DCX: variants seen among roughly 807,000 people sequenced by gnomAD.
DCX encodes doublecortin, also known as neuronal migration protein doublecortin.
Under a neutral mutation model 20.9 loss-of-function variants are expected in DCX, and 4 were observed. That is an observed-to-expected ratio of 0.19 (90% CI 0.09 to 0.44). The LOEUF is 0.44. DCX is among the 20% of genes least tolerant of loss of function. DCX has a pLI of 0.99. For missense variants in DCX, 133 were observed against 296.9 expected, an observed-to-expected ratio of 0.45 and a Z score of 4.06; for synonymous variants, 103 against 111.4, an observed-to-expected ratio of 0.92 and a Z score of 0.47.
At chrX:111,339,281 A>G (rs1222208595) in intron 3 of DCX, among the ~76,000 whole-genome samples, 1 of 111,739 alleles carries the variant, frequency 8.9e-6, no homozygotes, top group Non-Finnish European at 1.9e-5. Flanking sequence ...TTACTCCCCA[A>G]TGTGGCATTA....
chrX:111,385,143 G>C (rs1217486641), intron 3 of DCX, among the ~76,000 whole-genome samples: 1 of 112,253 alleles, frequency 8.9e-6, no homozygotes. Flanking sequence ...CCCTGGATTT[G>C]CCAGCCCTCA....
intron 3 of DCX, among the ~76,000 whole-genome samples, chrX:111,360,375 T>G (rs1924108980): frequency 9.0e-6 from 1 of 111,567 alleles, no homozygotes; most frequent in Non-Finnish European, 1.9e-5. Flanking sequence ...CTCATTTATT[T>G]GTGGGATCTA....
intron 3 of DCX, among the ~76,000 whole-genome samples, chrX:111,359,960 A>G (rs1446457688): frequency 8.9e-6 from 1 of 111,980 alleles, no homozygotes; most frequent in Non-Finnish European, 1.9e-5. Flanking sequence ...CAAAATGGAA[A>G]ATACCGTTTG....
chrX:111,314,484 G>T (rs1177958406), intron 5 of DCX, among the ~76,000 whole-genome samples: 1 of 111,782 alleles, frequency 8.9e-6, no homozygotes, highest in Admixed American at 9.5e-5. Flanking sequence ...CTTGAAAGAT[G>T]AATCTGAAAT....
At chrX:111,346,164 A>T (rs1282686969) in intron 3 of DCX, among the ~76,000 whole-genome samples, 2 of 109,739 alleles carry the variant, frequency 1.8e-5, no homozygotes, top group Admixed American at 1.9e-4. Context: ...ACATTGCAAA[A>T]TTTTTCTCCC....
chrX:111,302,026 A>C (rs2095035407), intron 6 of DCX, among the ~76,000 whole-genome samples: 1 of 110,359 alleles, frequency 9.1e-6, no homozygotes, highest in Non-Finnish European at 1.9e-5. Context: ...ATGTGTGTAT[A>C]TTTGTGTGAC....
At chrX:111,404,481 C>T (rs775635067) in intron 2 of DCX, among the ~76,000 whole-genome samples, 25 of 112,051 alleles carry the variant, frequency 2.2e-4, no homozygotes, top group African/African-American at 8.1e-4. Context: ...GGATATTTAT[C>T]GTCGTCAAGA....
At chrX:111,336,944 A>C (rs1242339676) in intron 3 of DCX, among the ~76,000 whole-genome samples, 1 of 111,339 alleles carries the variant, frequency 9.0e-6, no homozygotes, top group African/African-American at 3.3e-5. Context: ...GAGGGAGAAA[A>C]GAAAGAAGAA....
intron 6 of DCX, among the ~76,000 whole-genome samples, chrX:111,307,298 A>T (rs1329431063): frequency 9.2e-6 from 1 of 108,646 alleles, no homozygotes; most frequent in African/African-American, 3.3e-5. Flanking sequence ...ATACATATAT[A>T]TATACACGTG....
intron 3 of DCX, among the ~76,000 whole-genome samples, chrX:111,372,171 C>T (rs756471508): frequency 2.1e-4 from 23 of 111,768 alleles, no homozygotes; most frequent in South Asian, 1.5e-3. Flanking sequence ...TAAGATAAGC[C>T]ATCATGCTGA....
chrX:111,296,402 G>GA lies in DCX; in HGVS notation c.*5284dup, dbSNP rs1235209836. ...CCCTAGTCTCAGGCATCCAAGGTAA[G>GA]AAAAAATCACCTCTGATTCCAGAAG... On this transcript the variant is annotated 3_prime_UTR_variant, in exon 7 of 7. Coordinates refer to ENST00000636035, the MANE Select transcript of DCX (RefSeq NM_001195553.2). 9.0e-6 allele frequency: 1 copy of GA among 111,322 alleles called. No individual in the cohort carries two copies. The highest frequency in any genetic ancestry group is 3.3e-5 in the African/African-American group (1 of 30,567). 9.2% of individuals were successfully genotyped at this position (111,322 alleles called of 1,213,427 possible).
At chrX:111,388,135 C>A (rs1044694262) in intron 3 of DCX, among the ~76,000 whole-genome samples, 69 of 111,719 alleles carry the variant, frequency 6.2e-4, no homozygotes, top group African/African-American at 2.2e-3. Flanking sequence ...GACTTTAATG[C>A]CTATGATCAA....
intron 3 of DCX, among the ~76,000 whole-genome samples, chrX:111,389,958 A>G (rs1926811179): frequency 8.9e-6 from 1 of 111,879 alleles, no homozygotes; most frequent in East Asian, 2.8e-4. Context: ...TCATGGCAAA[A>G]GGGCTTTTTT....
intron 3 of DCX, among the ~76,000 whole-genome samples, chrX:111,348,820 A>G (rs1408817185): frequency 9.2e-6 from 1 of 108,547 alleles, no homozygotes; most frequent in Non-Finnish European, 1.9e-5. Context: ...ACAAAGCATG[A>G]GAGGGATATT....
intron 6 of DCX, among the ~76,000 whole-genome samples, chrX:111,305,018 C>T (rs2095042004): frequency 1.8e-5 from 2 of 111,720 alleles, no homozygotes; most frequent in Non-Finnish European, 3.8e-5. Context: ...CAGAGCCCCT[C>T]GGCAAAGGCT....
Position 111,316,086 on chromosome X carries a change from T to TAAATAAATAAATA in DCX, c.947-3351_947-3350insTATTTATTTATTT, listed in dbSNP as rs1169026948. ...CTAAAACTTAGAGTATAATAAAAAATAAAAAAAAAAAAAAAAAAAAAAAAT... is the reference window on the plus strand; with the variant it reads ...CTAAAACTTAGAGTATAATAAAAAATAAATAAATAAATAAAAAAAAAAAAAAAAAAAAAAAAAT... On this transcript the variant is annotated intron_variant, in intron 5 of 6. Transcript: ENST00000636035. Among the ~76,000 whole-genome samples, 27 of 50,626 alleles carry TAAATAAATAAATA rather than the reference T, an allele frequency of 5.3e-4. 1 individual carries two copies. The highest frequency in any genetic ancestry group is 2.0e-3 in the African/African-American group (25 of 12,491). The allele number at this position is 50,626 out of a possible 115,157, so 44.0% of individuals were successfully genotyped here.
intron 3 of DCX, among the ~76,000 whole-genome samples, chrX:111,354,110 T>G (rs1051770703): frequency 9.0e-6 from 1 of 111,689 alleles, no homozygotes; most frequent in Non-Finnish European, 1.9e-5. Flanking sequence ...TGCAAATTTT[T>G]GATGAGCTAA....
At chrX:111,329,352 C>CATCT (rs1322011484) in intron 5 of DCX, among the ~76,000 whole-genome samples, 8 of 111,603 alleles carry the variant, frequency 7.2e-5, no homozygotes, top group African/African-American at 2.6e-4. Context: ...TACTGTTGTG[C>CATCT]ATCTATTTAT....
At chrX:111,342,657 T>C (rs1276214794) in intron 3 of DCX, among the ~76,000 whole-genome samples, 1 of 108,391 alleles carries the variant, frequency 9.2e-6, no homozygotes, top group African/African-American at 3.3e-5. Context: ...ATCAACCACA[T>C]AATTGGAAGT....
Sources: allele counts gnomAD v4.1 joint callset (sites outside exome capture counted in the v4.1 genomes callset), GRCh38; gene constraint gnomAD v4.1.1; transcripts MANE v1.5; gene names NCBI Gene and HGNC (gene_info 2026-07-23, HGNC 2026-07-21).